Variants in CCDC91 observed in about 807,000 individuals in gnomAD.
CCDC91 encodes coiled-coil domain-containing protein 91.
A neutral mutation model predicts 63.2 loss-of-function variants in CCDC91; 48 were observed. The observed-to-expected ratio is 0.76, with a 90% confidence interval of 0.60 to 0.97. The LOEUF (loss-of-function observed/expected upper bound fraction) is 0.97. Ranked by LOEUF, CCDC91 falls within the 50% of genes least tolerant of loss-of-function variation. The probability of loss-of-function intolerance (pLI) is 0.00; values close to 1 mark genes in which losing one functional copy is unlikely to be tolerated. For synonymous variants in CCDC91, 167 were observed against 165.8 expected (o/e 1.01, Z -0.06); for missense variants, 500 against 494.6 (o/e 1.01, Z -0.10).
chr12:28,351,126 T>C (rs959784687), intron 6 of CCDC91, among the ~76,000 whole-genome samples: 1 of 152,180 alleles, frequency 6.6e-6, no homozygotes, highest in African/African-American at 2.4e-5. Context: ...CAGCTTTACA[T>C]TGAAAATCTC....
In CCDC91 at chr12:28,450,214, A is replaced by G. The variant is rs1190038600; in HGVS notation, c.816A>G (p.Lys272=). 1 of 1,610,712 alleles carries G rather than the reference A, an allele frequency of 6.2e-7. No individual in the cohort carries two copies. The highest frequency in any genetic ancestry group is 1.3e-5 in the African/African-American group (1 of 74,850). The change falls in exon 9 of 13, where the codon AAA becomes AAG. Residue 272 remains lysine (K), a synonymous_variant. Transcript: ENST00000536442. ...LDTEKELLKE[K]IKEALIQQSQ... is the part of the protein sequence containing the mutation. ...CAGAGAAGGAACTGTTAAAAGAAAA[A>G]ATAAAGGAAGCTTTGATTCAGCAAT... is the stretch of plus-strand genomic sequence containing the variant.
At chr12:28,484,203 T>G in intron 12 of CCDC91, 38 bp downstream of exon 12, 1 of 1,160,608 alleles carries the variant, frequency 8.6e-7, no homozygotes, top group Non-Finnish European at 1.3e-6. Context: ...TGTGCTTCAA[T>G]AAACTGAATC....
intron 8 of CCDC91, among the ~76,000 whole-genome samples, chr12:28,392,596 A>G (rs1295988059): frequency 6.6e-6 from 1 of 152,230 alleles, no homozygotes; most frequent in Non-Finnish European, 1.5e-5. Flanking sequence ...GTGAGAGCCT[A>G]CTATGAACTT....
chr12:28,466,541 G>T (rs1009515167), intron 11 of CCDC91, among the ~76,000 whole-genome samples: 1 of 152,130 alleles, frequency 6.6e-6, no homozygotes, highest in South Asian at 2.1e-4. Flanking sequence ...AACTTTACAG[G>T]CCAGGAGAGT....
chr12:28,237,846 C>T (rs1184660819), intron 1 of CCDC91, among the ~76,000 whole-genome samples: 11 of 152,222 alleles, frequency 7.2e-5, no homozygotes, highest in Non-Finnish European at 1.2e-4. Context: ...CTTAATTGAC[C>T]GGCTCCTCTC....
At chr12:28,532,921 A>C (rs1274026779) in intron 12 of CCDC91, among the ~76,000 whole-genome samples, 3 of 152,092 alleles carry the variant, frequency 2.0e-5, no homozygotes, top group Non-Finnish European at 4.4e-5. Flanking sequence ...ATCATTGGCT[A>C]TTGGTCCATG....
At chr12:28,440,919 G>A (rs541496484) in intron 8 of CCDC91, among the ~76,000 whole-genome samples, 9 of 151,588 alleles carry the variant, frequency 5.9e-5, no homozygotes, top group Admixed American at 3.9e-4. Flanking sequence ...TTAGCCAGGC[G>A]TGGTGGTGTG....
intron 6 of CCDC91, among the ~76,000 whole-genome samples, chr12:28,317,347 A>G (rs1228255816): frequency 6.6e-6 from 1 of 152,012 alleles, no homozygotes; most frequent in Non-Finnish European, 1.5e-5. Flanking sequence ...AAAGGGAATT[A>G]TGTGTGGTAA....
chr12:28,427,977 A>C (rs1228952349), intron 8 of CCDC91, among the ~76,000 whole-genome samples: 1 of 152,216 alleles, frequency 6.6e-6, no homozygotes, highest in Non-Finnish European at 1.5e-5. Flanking sequence ...AGTAGGGATG[A>C]GGATGTCTAG....
chr12:28,211,793 A>T lies in CCDC91; in HGVS notation c.-15+21152A>T, dbSNP rs568126409. Among the ~76,000 whole-genome samples, 3 of 152,204 alleles carry T rather than the reference A, an allele frequency of 2.0e-5. No homozygotes were observed. The East Asian group carries it at 5.8e-4, about 29-fold the overall frequency. On this transcript the variant is annotated intron_variant, in intron 1 of 12. Transcript: ENST00000536442. ...TTTTTTTCTTACCTAAGCACACCAG[A>T]AAAATGAAACAAAGGGGTAGAATGT...
In CCDC91 at chr12:28,277,068, A is replaced by T. The variant is rs185099030; in HGVS notation, c.109+17626A>T. Among the ~76,000 whole-genome samples the T allele has an allele frequency of 1.9e-3, 292 of 152,134 alleles. 3 individuals carry two copies. The highest frequency in any genetic ancestry group is 6.6e-3 in the African/African-American group (275 of 41,556). ...GCTTATAACTTACAGTGATATAGTT[A>T]CAAGTTTGGTAAGTAATGTTAAATA... On this transcript the variant is annotated intron_variant, in intron 3 of 12. Transcript: ENST00000536442.
intron 11 of CCDC91, among the ~76,000 whole-genome samples, chr12:28,480,868 C>T (rs1165510442): frequency 1.3e-5 from 2 of 151,990 alleles, no homozygotes; most frequent in Non-Finnish European, 2.9e-5. Context: ...AAAGGGCAGA[C>T]AACCACAGGC....
intron 1 of CCDC91, among the ~76,000 whole-genome samples, chr12:28,220,581 C>G (rs192172345): frequency 2.6e-5 from 4 of 151,126 alleles, no homozygotes; most frequent in Non-Finnish European, 5.9e-5. Flanking sequence ...TTTTGTCTTT[C>G]TTCTCCCTGA....
rs144075112 is a variant in CCDC91, at chr12:28,525,360, A to G, written c.1216-23703A>G. 2.9e-3 allele frequency among the ~76,000 whole-genome samples: 444 copies of G among 152,246 alleles called. 2 individuals are homozygous for G. The highest frequency in any genetic ancestry group is 0.01 in the African/African-American group (421 of 41,568). The stretch of plus-strand genomic sequence containing the variant: ...CCATCATGATTTCATTGTTAGCCCA[A>G]TGATCATTCGGGAGCAAGTCATTTA... On this transcript the variant is annotated intron_variant, in intron 12 of 12. Coordinates refer to ENST00000536442, the MANE Select transcript of CCDC91 (RefSeq NM_018318.5).
At chr12:28,376,497 G>A (rs1344577354) in intron 7 of CCDC91, among the ~76,000 whole-genome samples, 12 of 151,736 alleles carry the variant, frequency 7.9e-5, no homozygotes, top group Non-Finnish European at 1.3e-4. Context: ...CTTATTCCTT[G>A]TTTTCCTTGA....
intron 6 of CCDC91, among the ~76,000 whole-genome samples, chr12:28,357,064 G>A (rs1375231587): frequency 6.6e-6 from 1 of 152,174 alleles, no homozygotes; most frequent in Non-Finnish European, 1.5e-5. Context: ...AACAAAAATA[G>A]AATATGAGCT....
intron 8 of CCDC91, among the ~76,000 whole-genome samples, chr12:28,398,747 T>TGG (rs1190407122): frequency 1.3e-5 from 2 of 152,234 alleles, no homozygotes; most frequent in Non-Finnish European, 2.9e-5. Context: ...TGCACTTATT[T>TGG]GGCTGTTGAA....
intron 1 of CCDC91, among the ~76,000 whole-genome samples, chr12:28,210,159 G>A (rs1019561276): frequency 3.9e-5 from 6 of 152,046 alleles, no homozygotes; most frequent in African/African-American, 1.4e-4. Context: ...AGGGAACTTG[G>A]CTAATTCCAT....
At chr12:28,255,466 A>G (rs1946385572) in intron 1 of CCDC91, 1 of 152,174 alleles carries the variant, frequency 6.6e-6, no homozygotes, top group South Asian at 2.1e-4. Context: ...TAATTTCTTC[A>G]TGAAAAATGT....
Sources: allele counts gnomAD v4.1 joint callset (sites outside exome capture counted in the v4.1 genomes callset), GRCh38; gene constraint gnomAD v4.1.1; transcripts MANE v1.5; gene names NCBI Gene and HGNC (gene_info 2026-07-23, HGNC 2026-07-21).